The following SLC5A3 variants were observed in gnomAD, a reference collection of about 807,000 sequenced individuals.
SLC5A3 encodes the protein sodium/myo-inositol cotransporter.
Under a neutral mutation model 43.2 loss-of-function variants are expected in SLC5A3, and 10 were observed. The observed-to-expected ratio is 0.23, with a 90% CI of 0.14 to 0.39. The LOEUF (loss-of-function observed/expected upper bound fraction) is 0.39. Ranked by LOEUF, SLC5A3 falls within the 10% of genes least tolerant of loss-of-function variation. The probability of loss-of-function intolerance (pLI) is 1.00; values close to 1 mark genes in which losing one functional copy is unlikely to be tolerated. For missense variants in SLC5A3, 608 were observed against 893.4 expected, an observed-to-expected ratio of 0.68 and a Z score of 4.07; for synonymous variants, 349 against 322.0, an observed-to-expected ratio of 1.08 and a Z score of -0.90.
rs901393214 is a variant in SLC5A3 at position 34,104,058 on chromosome 21, A to G, written c.*6703A>G. ...AACATGCAGAAAGTCATACTTTAAC[A>G]GGGCAAATACTACTTGTCTTTGATT... is the stretch of plus-strand genomic sequence containing the variant. On this transcript the variant is annotated 3_prime_UTR_variant, in exon 2 of 2. Coordinates refer to ENST00000381151, the MANE Select transcript of SLC5A3 (RefSeq NM_006933.7). 5.0e-6 allele frequency: 5 copies of G among 1,000,034 alleles called. No homozygotes were observed. Among genetic ancestry groups the G allele is most frequent in the Non-Finnish European group, 6.0e-6 (5 of 829,926 alleles). The allele number at this position is 1,000,034 out of a possible 1,614,324, so 61.9% of individuals were successfully genotyped here. A position where few individuals can be genotyped will look rare whatever the true frequency, so the allele number is the denominator to read the frequency against.
At chr21:34,083,747 A>G (rs1602909799) in intron 1 of SLC5A3, among the ~76,000 whole-genome samples, 2 of 152,244 alleles carry the variant, frequency 1.3e-5, no homozygotes, top group African/African-American at 4.8e-5. Flanking sequence ...TCTCATGGGA[A>G]TGCCATTCTC....
Position 34,097,421 on chromosome 21 carries a change from G to A in SLC5A3, c.*66G>A, listed in dbSNP as rs1019815616. ...ACTGGTCTTTGGGGAAAAAAGTTAT[G>A]TAACTGTGCATCTCTCAGGCATTGT... On this transcript the variant is annotated 3_prime_UTR_variant, in exon 2 of 2. Transcript: ENST00000381151. 12 of 1,356,590 alleles carry A rather than the reference G, an allele frequency of 8.8e-6. No homozygotes were observed. The African/African-American group carries it at 3.3e-4, about 38-fold the overall frequency. The allele number at this position is 1,356,590 out of a possible 1,614,324, so 84.0% of individuals were successfully genotyped here.
At chr21:34,090,011 T>C (rs1185996605) in intron 1 of SLC5A3, among the ~76,000 whole-genome samples, 1 of 152,214 alleles carries the variant, frequency 6.6e-6, no homozygotes, top group Non-Finnish European at 1.5e-5. Flanking sequence ...GCATCCCATA[T>C]CTGAACATCC....
chr21:34,103,739 G>A lies in SLC5A3; in HGVS notation c.*6384G>A. The A allele has an allele frequency of 1.0e-6, 1 of 999,752 alleles. No individual in the cohort carries two copies. The highest frequency in any genetic ancestry group is 1.2e-6 in the Non-Finnish European group (1 of 829,668). The allele number at this position is 999,752 out of a possible 1,614,324, so 61.9% of individuals were successfully genotyped here. On this transcript the variant is annotated 3_prime_UTR_variant, in exon 2 of 2. Transcript: ENST00000381151. ...CCCAAGACAATGCGGTATCTAAACT[G>A]GTCCTAATGGTAAGGGACCCAAAGG...
rs575534010 is a variant in SLC5A3, at chr21:34,083,104, C to G, written c.-337+9359C>G. Among the ~76,000 whole-genome samples, 3 of 152,318 alleles carry G rather than the reference C, an allele frequency of 2.0e-5. No homozygotes were observed. In the South Asian group the frequency reaches 6.2e-4, roughly 32 times the overall value. Reference sequence around the variant, plus strand: ...TTGACTTGAGTTTTTAAAAGTTTCTCTGTAACACCTACCCTGGAGTGGTTA... The same window carrying G: ...TTGACTTGAGTTTTTAAAAGTTTCTGTGTAACACCTACCCTGGAGTGGTTA... On this transcript the variant is annotated intron_variant, in intron 1 of 1. Coordinates refer to ENST00000381151, the MANE Select transcript of SLC5A3 (RefSeq NM_006933.7).
At position 34,104,850 on chromosome 21, in the gene SLC5A3, G is replaced by A; in HGVS notation, c.*7495G>A. 1.0e-6 allele frequency: 1 copy of A among 1,000,018 alleles called. No homozygotes were observed. Among genetic ancestry groups the A allele is most frequent in the Non-Finnish European group, 1.2e-6 (1 of 829,796 alleles). 61.9% of individuals were successfully genotyped at this position (1,000,018 alleles called of 1,614,324 possible). A position where few individuals can be genotyped will look rare whatever the true frequency, so the allele number is the denominator to read the frequency against. On this transcript the variant is annotated 3_prime_UTR_variant, in exon 2 of 2. Transcript: ENST00000381151. ...TTTACATGTTTTTAAATTTAAGATA[G>A]TTTGTAAGAACTGTACAAAAAAATG...
At chr21:34,079,643 G>A (rs931768171) in intron 1 of SLC5A3, among the ~76,000 whole-genome samples, 1 of 137,246 alleles carries the variant, frequency 7.3e-6, no homozygotes, top group African/African-American at 3.0e-5. Flanking sequence ...TAGTAGAGAT[G>A]GGGTTTCACC....
intron 1 of SLC5A3, among the ~76,000 whole-genome samples, chr21:34,085,489 GC>G (rs1301329438): frequency 1.3e-5 from 2 of 152,056 alleles, no homozygotes; most frequent in African/African-American, 2.4e-5. Flanking sequence ...CCAACAATCT[GC>G]ATTGGTTTTA....
rs1979164311 is a variant in SLC5A3, at chr21:34,100,054, T to C, written c.*2699T>C. ...ACTAAATGGGTCCTAAATGATGACA[T>C]TGGTCTTTAGACATTAACATGTGTA... On this transcript the variant is annotated 3_prime_UTR_variant, in exon 2 of 2. Coordinates refer to ENST00000381151, the MANE Select transcript of SLC5A3 (RefSeq NM_006933.7). 2.0e-6 allele frequency: 2 copies of C among 991,736 alleles called. No homozygotes were observed. Among genetic ancestry groups the C allele is most frequent in the Middle Eastern group, 5.2e-4 (1 of 1,928 alleles). The allele number at this position is 991,736 out of a possible 1,614,324, so 61.4% of individuals were successfully genotyped here.
rs2148662690 is a variant in SLC5A3 at position 34,104,535 on chromosome 21, C to A, written c.*7180C>A. On this transcript the variant is annotated 3_prime_UTR_variant, in exon 2 of 2. Coordinates refer to ENST00000381151, the MANE Select transcript of SLC5A3 (RefSeq NM_006933.7). Reference sequence around the variant, plus strand: ...CTTTTAGGGAAAGACTTGGTCAACTCTAATATATCTAGAAGGAAGACTATA... The same window carrying A: ...CTTTTAGGGAAAGACTTGGTCAACTATAATATATCTAGAAGGAAGACTATA... The A allele has an allele frequency of 1.0e-6, 1 of 996,192 alleles. No homozygotes were observed. Among genetic ancestry groups the A allele is most frequent in the South Asian group, 4.7e-5 (1 of 21,180 alleles). The allele number at this position is 996,192 out of a possible 1,614,324, so 61.7% of individuals were successfully genotyped here.
chr21:34,079,504 C>T (rs913068641), intron 1 of SLC5A3, among the ~76,000 whole-genome samples: 19 of 151,410 alleles, frequency 1.3e-4, no homozygotes, highest in East Asian at 3.9e-4. Flanking sequence ...GGCACGATCT[C>T]GGCTCACTGC....
At chr21:34,084,123 T>TA (rs1989519132) in intron 1 of SLC5A3, among the ~76,000 whole-genome samples, 1 of 148,428 alleles carries the variant, frequency 6.7e-6, no homozygotes, top group South Asian at 2.1e-4. Context: ...TGGTCTTACT[T>TA]CTTACTTCTT....
rs1979463467 is a variant in SLC5A3 at position 34,106,057 on chromosome 21, A to G, written c.*8702A>G. 1.0e-6 allele frequency: 1 copy of G among 997,958 alleles called. No individual in the cohort carries two copies. The highest frequency in any genetic ancestry group is 1.2e-6 in the Non-Finnish European group (1 of 827,842). The allele number at this position is 997,958 out of a possible 1,614,324, so 61.8% of individuals were successfully genotyped here. On this transcript the variant is annotated 3_prime_UTR_variant, in exon 2 of 2. Transcript: ENST00000381151. ...TGTCAGTTTTCATTACTGACTCTGTAAAATACACTGTTCTTTGTGTACTGT... is the reference window on the plus strand; with the variant it reads ...TGTCAGTTTTCATTACTGACTCTGTGAAATACACTGTTCTTTGTGTACTGT...
At chr21:34,082,043 A>AT (rs1362615231) in intron 1 of SLC5A3, among the ~76,000 whole-genome samples, 1 of 146,948 alleles carries the variant, frequency 6.8e-6, no homozygotes, top group African/African-American at 2.7e-5. Flanking sequence ...TCCAGATTTT[A>AT]TAGGAAATCT....
At chr21:34,088,870 ATTT>A (rs549629019) in intron 1 of SLC5A3, among the ~76,000 whole-genome samples, 2 of 145,456 alleles carry the variant, frequency 1.4e-5, no homozygotes, top group South Asian at 2.2e-4. Context: ...TTAGTGTAAG[ATTT>A]TTTTTTTTTT....
At chr21:34,076,523 T>C (rs575473388) in intron 1 of SLC5A3, among the ~76,000 whole-genome samples, 54 of 152,340 alleles carry the variant, frequency 3.5e-4, no homozygotes, top group Non-Finnish European at 5.3e-4. Flanking sequence ...AGAAGTTGAT[T>C]ATGAGTATCT....
chr21:34,084,396 GA>G (rs375220115), intron 1 of SLC5A3, among the ~76,000 whole-genome samples: 1,748 of 151,658 alleles, frequency 0.012, 38 homozygotes, highest in South Asian at 0.081. Context: ...ACTGAGAACA[GA>G]AAAAAAACAC....
chr21:34,092,123 A>ATC (rs1475331614), intron 1 of SLC5A3, among the ~76,000 whole-genome samples: 1 of 33,414 alleles, frequency 3.0e-5, no homozygotes, highest in Non-Finnish European at 2.0e-4. Context: ...AAGGAAGAAA[A>ATC]ACATATATAT....
intron 1 of SLC5A3, among the ~76,000 whole-genome samples, chr21:34,089,946 C>G (rs1429639875): frequency 3.9e-5 from 6 of 152,166 alleles, no homozygotes; most frequent in Non-Finnish European, 7.3e-5. Context: ...ATCTTAAATG[C>G]TTGGGACCAG....
Sources: allele counts gnomAD v4.1 joint callset (sites outside exome capture counted in the v4.1 genomes callset), GRCh38; gene constraint gnomAD v4.1.1; transcripts MANE v1.5; gene names NCBI Gene and HGNC (gene_info 2026-07-23, HGNC 2026-07-21).